Variants in NLRC5 observed in about 807,000 individuals in gnomAD.
The protein encoded by NLRC5 is protein NLRC5.
In NLRC5, 114 loss-of-function variants were observed where a neutral mutation model predicts 206.9. That is an observed-to-expected ratio of 0.55 (90% CI 0.47 to 0.64). The LOEUF (loss-of-function observed/expected upper bound fraction) is 0.64, where lower values mean the gene tolerates loss of function less well. Ranked by LOEUF, NLRC5 falls within the 30% of genes least tolerant of loss-of-function variation. The pLI is 0.00. For missense variants in NLRC5, 2,008 were observed against 2,305.5 expected, an observed-to-expected ratio of 0.87 and a Z score of 2.64; for synonymous variants, 952 against 962.8, an observed-to-expected ratio of 0.99 and a Z score of 0.21.
At chr16:56,999,262 A>T (rs1356715477) in intron 1 of NLRC5, among the ~76,000 whole-genome samples, 2 of 152,210 alleles carry the variant, frequency 1.3e-5, no homozygotes, top group African/African-American at 2.4e-5. Flanking sequence ...GGGGAGCACA[A>T]ATATTCAGTC....
intron 8 of NLRC5, 57 bp from the exon 9 acceptor site, chr16:57,029,716 G>A (rs577420736): frequency 2.0e-6 from 3 of 1,464,992 alleles, no homozygotes; most frequent in South Asian, 1.2e-5. Context: ...TTGCTAACTG[G>A]GGCTTGCAAG....
intron 10 of NLRC5, among the ~76,000 whole-genome samples, chr16:57,030,452 ATGGATGGATGGATGAAAAGATGGATGGG>A (rs2061717005): frequency 9.1e-6 from 1 of 109,990 alleles, no homozygotes; most frequent in African/African-American, 3.2e-5. Flanking sequence ...GGATGGATGG[ATGGATGGATGGATGAAAAGATGGATGGG>A]TGGATGAAAA....
chr16:57,079,183 T>TG, intron 44 of NLRC5, 38 bp from the exon 45 acceptor site: 1 of 1,613,932 alleles, frequency 6.2e-7, no homozygotes, highest in Non-Finnish European at 8.5e-7. Context: ...TGGGCGGGTC[T>TG]GGGGGTTCCT....
chr16:57,075,025 T>A (rs1215851722), intron 39 of NLRC5, among the ~76,000 whole-genome samples: 2 of 112,128 alleles, frequency 1.8e-5, no homozygotes, highest in Non-Finnish European at 3.5e-5. Flanking sequence ...TTTTTTTTTT[T>A]TTTTTTTTTT....
intron 32 of NLRC5, 38 bp from the exon 33 acceptor site, chr16:57,065,174 C>T: frequency 7.1e-7 from 1 of 1,409,292 alleles, no homozygotes; most frequent in African/African-American, 1.4e-5. Context: ...CTGCTGCTCA[C>T]CTTGGGGGGG....
chr16:57,036,228 G>A (rs1374092939), intron 14 of NLRC5, 45 bp downstream of exon 14: 2 of 1,570,658 alleles, frequency 1.3e-6, no homozygotes, highest in South Asian at 2.2e-5. Flanking sequence ...AGGCCCTGTA[G>A]AGCCCCAGGA....
intron 39 of NLRC5, 87 bp from the exon 40 acceptor site, chr16:57,076,732 C>A (rs2068449564): frequency 2.3e-6 from 3 of 1,280,766 alleles, no homozygotes; most frequent in Admixed American, 1.7e-5. Flanking sequence ...GCGTGTAAGG[C>A]TTTGCAAACT....
At chr16:57,032,339 A>G (rs2061977778) in intron 11 of NLRC5, among the ~76,000 whole-genome samples, 1 of 151,856 alleles carries the variant, frequency 6.6e-6, no homozygotes, top group South Asian at 2.1e-4. Flanking sequence ...AGCTTGAGCC[A>G]TGATCACACC....
At position 57,051,520 on chromosome 16, in the gene NLRC5, A is replaced by T. The variant is rs1301112637; in HGVS notation, c.3423-18A>T. The T allele has an allele frequency of 6.2e-7, 1 of 1,604,342 alleles. No homozygotes were observed. Among genetic ancestry groups the T allele is most frequent in the Middle Eastern group, 1.7e-4 (1 of 6,036 alleles). On this transcript the variant is annotated intron_variant, in intron 23 of 48. Coordinates refer to ENST00000688547, the MANE Select transcript of NLRC5 (RefSeq NM_001384950.1). ...CTGGAAGGTTTCCCCCACCTCATCCACCTGCTTTGTTTCACAGATTGTCCT... is the reference window on the plus strand; with the variant it reads ...CTGGAAGGTTTCCCCCACCTCATCCTCCTGCTTTGTTTCACAGATTGTCCT...
intron 1 of NLRC5, among the ~76,000 whole-genome samples, chr16:56,997,931 C>T (rs1277176431): frequency 1.3e-5 from 2 of 152,110 alleles, no homozygotes; most frequent in East Asian, 3.9e-4. Flanking sequence ...GGGCTGCATA[C>T]AAAGCATTAC....
rs762401074 is a variant in NLRC5 at position 57,033,614 on chromosome 16, C to T, written c.2488C>T (p.Leu830=). Residue 830 remains leucine (L), a synonymous_variant, in exon 12 of 49, where the codon CTG becomes TTG. Coordinates refer to ENST00000688547, the MANE Select transcript of NLRC5 (RefSeq NM_001384950.1). ...TTAELQRAPD[L]QESDGQRKGA... is the part of the protein sequence containing the mutation. ...ATTTGTTCTTGCCAGAGCTCCAGAC[C>T]TGCAGGAAAGTGACGGCCAGAGGAA... 49 of 1,614,004 alleles carry T rather than the reference C, an allele frequency of 3.0e-5. 1 individual carries two copies. The South Asian group carries it at 5.1e-4, about 17-fold the overall frequency.
rs202152489 is a variant in NLRC5, at chr16:57,065,230, G to A, written c.4173G>A (p.Ala1391=). Residue 1391 remains alanine (A), a synonymous_variant, in exon 33 of 49, where the codon GCG becomes GCA. Transcript: ENST00000688547. The part of the protein sequence containing the change: ...LFSLRVQEPW[A]DRARVLSLLE... The stretch of plus-strand genomic sequence containing the variant: ...GTGACAGGGTGCAGGAGCCGTGGGC[G>A]GACAGAGCCAGGGTTCTCTCCCTGT... 8 of 1,563,238 alleles carry A rather than the reference G, an allele frequency of 5.1e-6. No individual in the cohort carries two copies. Among genetic ancestry groups the A allele is most frequent in the South Asian group, 1.2e-5 (1 of 85,204 alleles).
At chr16:57,078,155 T>C in intron 43 of NLRC5, 135 bp downstream of exon 43, 1 of 640,140 alleles carries the variant, frequency 1.6e-6, no homozygotes, top group Non-Finnish European at 2.6e-6. Flanking sequence ...CTCTCCTGCC[T>C]GTTCCTTCCC....
chr16:57,066,749 A>C, intron 34 of NLRC5, 135 bp downstream of exon 34: 1 of 751,614 alleles, frequency 1.3e-6, no homozygotes, highest in Non-Finnish European at 2.2e-6. Flanking sequence ...CAGAGGTCTG[A>C]CCAACCCACT....
At chr16:57,033,251 C>T (rs1430555500) in intron 11 of NLRC5, among the ~76,000 whole-genome samples, 2 of 152,190 alleles carry the variant, frequency 1.3e-5, no homozygotes, top group Non-Finnish European at 2.9e-5. Context: ...TACACCTATG[C>T]TGGGTACTTG....
chr16:56,998,758 T>C (rs991172621), intron 1 of NLRC5, among the ~76,000 whole-genome samples: 1 of 152,250 alleles, frequency 6.6e-6, no homozygotes, highest in Admixed American at 6.5e-5. Flanking sequence ...ATGTGTCTTG[T>C]TTATTCCATG....
At chr16:57,001,630 ATAG>A (rs1364086718) in intron 1 of NLRC5, among the ~76,000 whole-genome samples, 7 of 152,112 alleles carry the variant, frequency 4.6e-5, no homozygotes, top group Non-Finnish European at 8.8e-5. Context: ...TTGTGGGTAC[ATAG>A]TAGGTGTATA....
chr16:57,013,908 G>A, intron 1 of NLRC5: 1 of 529,718 alleles, frequency 1.9e-6, no homozygotes, highest in South Asian at 1.8e-5. Context: ...TCTACAAAAT[G>A]CGGCTGGTTT....
At chr16:57,069,069 A>C (rs531688291) in intron 36 of NLRC5, among the ~76,000 whole-genome samples, 1 of 152,242 alleles carries the variant, frequency 6.6e-6, no homozygotes, top group African/African-American at 2.4e-5. Flanking sequence ...CACCTGTGAC[A>C]GTGGTGTCTG....
Sources: gnomAD v4.1 joint callset for allele counts (sites outside exome capture counted in the v4.1 genomes callset) on GRCh38, gnomAD v4.1.1 for gene constraint, MANE v1.5 for transcripts, NCBI Gene and HGNC (gene_info 2026-07-23, HGNC 2026-07-21) for gene names.